TMEM132B: variants seen among roughly 807,000 people sequenced by gnomAD.
The protein encoded by TMEM132B is transmembrane protein 132B.
TMEM132B carries 18 observed loss-of-function variants against 90.8 expected under a neutral mutation model. That is an observed-to-expected ratio of 0.20 (90% CI 0.14 to 0.29). The LOEUF is 0.29. Among genes scored for constraint, TMEM132B ranks in the 10% least tolerant of loss-of-function variants. The probability of loss-of-function intolerance (pLI) is 1.00; values close to 1 mark genes in which losing one functional copy is unlikely to be tolerated. For missense variants in TMEM132B, 1,096 were observed against 1,326.8 expected (o/e 0.83, Z 2.70); for synonymous variants, 504 against 523.3 (o/e 0.96, Z 0.50).
chr12:125,614,998 G>A (rs190022963), intron 5 of TMEM132B, among the ~76,000 whole-genome samples: 96 of 152,092 alleles, frequency 6.3e-4, no homozygotes, highest in African/African-American at 2.3e-3. Context: ...ATGTTATCCT[G>A]CTGTCCTCAG....
At chr12:125,413,962 T>C (rs1879933988) in intron 2 of TMEM132B, among the ~76,000 whole-genome samples, 1 of 152,180 alleles carries the variant, frequency 6.6e-6, no homozygotes, top group African/African-American at 2.4e-5. Context: ...CCCAGAGCAG[T>C]GTATGAGGGT....
At chr12:125,225,364 T>C (rs1457228239) in intron 1 of TMEM132B, among the ~76,000 whole-genome samples, 2 of 152,244 alleles carry the variant, frequency 1.3e-5, no homozygotes, top group Non-Finnish European at 2.9e-5. Context: ...AAGAGGGCGA[T>C]AGCAGAGCAT....
At chr12:125,435,609 C>G (rs1204434649) in intron 3 of TMEM132B, among the ~76,000 whole-genome samples, 1 of 152,200 alleles carries the variant, frequency 6.6e-6, no homozygotes, top group Admixed American at 6.5e-5. Context: ...TGGTCAATGT[C>G]CTCCATGAAG....
chr12:125,197,959 T>C (rs1872962754), intron 1 of TMEM132B, among the ~76,000 whole-genome samples: 1 of 152,192 alleles, frequency 6.6e-6, no homozygotes, highest in African/African-American at 2.4e-5. Flanking sequence ...GTGTGAGATA[T>C]TTTTTACTCT....
At chr12:125,275,162 C>T (rs2136123836) in intron 1 of TMEM132B, among the ~76,000 whole-genome samples, 1 of 152,320 alleles carries the variant, frequency 6.6e-6, no homozygotes, top group Admixed American at 6.5e-5. Context: ...CTTTTCTCTC[C>T]TTCCACGGAG....
chr12:125,355,167 A>G (rs1404499389), intron 2 of TMEM132B, among the ~76,000 whole-genome samples: 1 of 152,106 alleles, frequency 6.6e-6, no homozygotes, highest in Non-Finnish European at 1.5e-5. Flanking sequence ...TGATGGCCAG[A>G]GAAAAATGCA....
chr12:125,517,155 T>TTC (rs1162369201), intron 3 of TMEM132B, among the ~76,000 whole-genome samples: 1 of 150,702 alleles, frequency 6.6e-6, no homozygotes, highest in Admixed American at 6.6e-5. Flanking sequence ...AACACACATT[T>TTC]TCTCTCTCTC....
chr12:125,560,900 A>G (rs1444485372), intron 4 of TMEM132B, among the ~76,000 whole-genome samples: 2 of 150,360 alleles, frequency 1.3e-5, no homozygotes, highest in African/African-American at 4.9e-5. Context: ...GTGGAGAAAT[A>G]GGAACGCTTT....
Position 125,432,493 on chromosome 12 carries a change from GTATATATA to G in TMEM132B, c.1106+16818_1106+16825del, listed in dbSNP as rs1479390536. Among the ~76,000 whole-genome samples, 14 of 53,120 alleles carry G rather than the reference GTATATATA, an allele frequency of 2.6e-4. 2 individuals are homozygous for G. The highest frequency in any genetic ancestry group is 2.5e-3 in the African/African-American group (14 of 5,698). The allele number at this position is 53,120 out of a possible 152,430, so 34.8% of individuals were successfully genotyped here. A position where few individuals can be genotyped will look rare whatever the true frequency, so the allele number is the denominator to read the frequency against. On this transcript the variant is annotated intron_variant, in intron 3 of 8. Transcript: ENST00000682704. ...TATGTATGTGTATATATATGTATGT[GTATATATA>G]TGTGTGTGTGTATATATATATATAT...
intron 4 of TMEM132B, among the ~76,000 whole-genome samples, chr12:125,541,909 C>T (rs1475005730): frequency 6.6e-6 from 1 of 151,254 alleles, no homozygotes; most frequent in Non-Finnish European, 1.5e-5. Context: ...CCTGTAGTCC[C>T]AGCTACTTGG....
At chr12:125,638,083 G>A (rs1886533259) in intron 5 of TMEM132B, among the ~76,000 whole-genome samples, 1 of 152,198 alleles carries the variant, frequency 6.6e-6, no homozygotes, top group Admixed American at 6.5e-5. Flanking sequence ...TCCTCTGGAG[G>A]AAGGGCCATG....
chr12:125,421,504 T>C (rs2136376867), intron 3 of TMEM132B, among the ~76,000 whole-genome samples: 1 of 152,280 alleles, frequency 6.6e-6, no homozygotes, highest in African/African-American at 2.4e-5. Context: ...AAGACCCACC[T>C]CCATGAGTCA....
At chr12:125,521,459 C>A (rs1162418855) in intron 4 of TMEM132B, among the ~76,000 whole-genome samples, 1 of 152,200 alleles carries the variant, frequency 6.6e-6, no homozygotes, top group Non-Finnish European at 1.5e-5. Context: ...TTTTCAGAGT[C>A]TGATGTGAAG....
rs368484434 is a variant in TMEM132B at position 125,433,152 on chromosome 12, G to A, written c.1106+17475G>A. Among the ~76,000 whole-genome samples, 30 of 152,260 alleles carry A rather than the reference G, an allele frequency of 2.0e-4. No homozygotes were observed. The South Asian group carries it at 4.6e-3, about 23-fold the overall frequency. On this transcript the variant is annotated intron_variant, in intron 3 of 8. Transcript: ENST00000682704. Reference sequence around the variant, plus strand: ...TCAGCCCCACAGCCAGGGTCCTTGCGGTGTGCTTATTTTTAAATGTTTTTA... The same window carrying A: ...TCAGCCCCACAGCCAGGGTCCTTGCAGTGTGCTTATTTTTAAATGTTTTTA...
intron 1 of TMEM132B, among the ~76,000 whole-genome samples, chr12:125,230,640 C>T (rs180752003): frequency 6.6e-6 from 1 of 151,616 alleles, no homozygotes; most frequent in African/African-American, 2.4e-5. Context: ...GCCACCACGC[C>T]CGTCTAATTT....
intron 2 of TMEM132B, among the ~76,000 whole-genome samples, chr12:125,360,176 T>C (rs1257439804): frequency 6.6e-6 from 1 of 152,252 alleles, no homozygotes; most frequent in Non-Finnish European, 1.5e-5. Context: ...TGTCTTTTCC[T>C]ACATGTAAGA....
At chr12:125,443,183 AGTGGCCTTCT>A (rs1450402952) in intron 3 of TMEM132B, among the ~76,000 whole-genome samples, 1 of 152,222 alleles carries the variant, frequency 6.6e-6, no homozygotes, top group African/African-American at 2.4e-5. Flanking sequence ...AATTGTAGAA[AGTGGCCTTCT>A]GTTGGCTACG....
intron 3 of TMEM132B, among the ~76,000 whole-genome samples, chr12:125,478,289 T>C (rs1593166152): frequency 6.6e-6 from 1 of 152,210 alleles, no homozygotes; most frequent in East Asian, 1.9e-4. Context: ...GAAGTAGGCT[T>C]CAGAAAGTCG....
chr12:125,631,354 T>A (rs1886364670), intron 5 of TMEM132B, among the ~76,000 whole-genome samples: 1 of 152,186 alleles, frequency 6.6e-6, no homozygotes, highest in African/African-American at 2.4e-5. Flanking sequence ...GAGAAGATAA[T>A]TAATATTGTT....
Sources: allele counts gnomAD v4.1 joint callset (sites outside exome capture counted in the v4.1 genomes callset), GRCh38; gene constraint gnomAD v4.1.1; transcripts MANE v1.5; gene names NCBI Gene and HGNC (gene_info 2026-07-23, HGNC 2026-07-21).